Variants in HEMK2 observed in about 807,000 individuals in gnomAD.
The protein encoded by HEMK2 is methyltransferase HEMK2.
At chr21:28,628,391 T>C in the HEMK2 span, among the ~76,000 whole-genome samples, 157 of 152,334 alleles carry the variant, frequency 1.0e-3, no homozygotes, top group African/African-American at 3.6e-3. Context: ...TTATTATAAA[T>C]AAGGCCAACT....
chr21:28,729,701 T>C, the HEMK2 span, among the ~76,000 whole-genome samples: 84,674 of 151,376 alleles, frequency 0.56, 26,838 homozygotes, highest in African/African-American at 0.86. Flanking sequence ...TTGTTTTGTG[T>C]TGCATTAAAA....
chr21:28,808,567 T>C, the HEMK2 span, among the ~76,000 whole-genome samples: 2 of 152,118 alleles, frequency 1.3e-5, no homozygotes, highest in African/African-American at 4.8e-5. Context: ...TCCCTTGGCA[T>C]TGCTTTGTGG....
At chr21:28,628,167 T>C in the HEMK2 span, among the ~76,000 whole-genome samples, 11 of 151,760 alleles carry the variant, frequency 7.2e-5, no homozygotes, top group South Asian at 2.1e-4. Flanking sequence ...CTAGTAACAA[T>C]AGCATATGTA....
At chr21:28,589,743 A>G in the HEMK2 span, among the ~76,000 whole-genome samples, 3 of 152,184 alleles carry the variant, frequency 2.0e-5, no homozygotes, top group Admixed American at 6.6e-5. Context: ...ATACATATAG[A>G]AATATTTTTA....
At chr21:28,628,584 C>A in the HEMK2 span, among the ~76,000 whole-genome samples, 1 of 152,150 alleles carries the variant, frequency 6.6e-6, no homozygotes, top group African/African-American at 2.4e-5. Flanking sequence ...CCCAAGCTAG[C>A]TGGAATTACA....
the HEMK2 span, among the ~76,000 whole-genome samples, chr21:28,593,930 G>A: frequency 2.0e-5 from 3 of 152,154 alleles, no homozygotes; most frequent in East Asian, 5.8e-4. Context: ...GTTTGGAAAA[G>A]AGCTGGGGTA....
the HEMK2 span, among the ~76,000 whole-genome samples, chr21:28,795,397 C>CA: frequency 3.4e-4 from 51 of 149,894 alleles, no homozygotes; most frequent in Admixed American, 1.7e-3. Flanking sequence ...ATAAGGACCT[C>CA]AAAAAAAAAA....
At chr21:28,877,983 T>C in the HEMK2 span, among the ~76,000 whole-genome samples, 1 of 152,158 alleles carries the variant, frequency 6.6e-6, no homozygotes, top group African/African-American at 2.4e-5. Context: ...AAAGAGAAGA[T>C]AATACTTTTT....
At chr21:28,589,647 G>A in the HEMK2 span, among the ~76,000 whole-genome samples, 1 of 152,014 alleles carries the variant, frequency 6.6e-6, no homozygotes, top group Non-Finnish European at 1.5e-5. Flanking sequence ...AAACAAAAGA[G>A]GAAAACTAGA....
the HEMK2 span, among the ~76,000 whole-genome samples, chr21:28,765,292 A>G: frequency 6.6e-6 from 1 of 152,088 alleles, no homozygotes; most frequent in Non-Finnish European, 1.5e-5. Context: ...ATTTAACATT[A>G]TGGTTTCAGC....
the HEMK2 span, among the ~76,000 whole-genome samples, chr21:28,693,346 A>G: frequency 6.6e-6 from 1 of 152,204 alleles, no homozygotes; most frequent in East Asian, 1.9e-4. Flanking sequence ...CCCAAGTTTT[A>G]GCAAGCATGA....
chr21:28,613,774 G>A, the HEMK2 span, among the ~76,000 whole-genome samples: 1 of 150,930 alleles, frequency 6.6e-6, no homozygotes, highest in Admixed American at 6.6e-5. Context: ...GACCTTAAGT[G>A]TTTTAAAAGA....
the HEMK2 span, among the ~76,000 whole-genome samples, chr21:28,786,771 T>C: frequency 2.9e-4 from 44 of 152,284 alleles, no homozygotes; most frequent in Admixed American, 2.9e-3. Flanking sequence ...AAAATCTATT[T>C]TCAAAACTTT....
chr21:28,604,275 T>TG, the HEMK2 span, among the ~76,000 whole-genome samples: 4 of 152,056 alleles, frequency 2.6e-5, no homozygotes, highest in Non-Finnish European at 5.9e-5. Context: ...AGTGAGGGGC[T>TG]GGGGGAGGGA....
the HEMK2 span, among the ~76,000 whole-genome samples, chr21:28,639,312 A>C: frequency 2.0e-5 from 3 of 152,344 alleles, no homozygotes; most frequent in Non-Finnish European, 4.4e-5. Flanking sequence ...ACCAATGGCC[A>C]ATCCTTATGC....
At chr21:28,680,415 T>G in the HEMK2 span, among the ~76,000 whole-genome samples, 1 of 152,126 alleles carries the variant, frequency 6.6e-6, no homozygotes, top group Admixed American at 6.5e-5. Context: ...ATTAATAGTT[T>G]ACCAACCAAA....
the HEMK2 span, among the ~76,000 whole-genome samples, chr21:28,780,760 G>A: frequency 1.3e-5 from 2 of 152,224 alleles, no homozygotes; most frequent in South Asian, 4.1e-4. Flanking sequence ...CGTCATGGGA[G>A]ACTTAAGAAT....
the HEMK2 span, among the ~76,000 whole-genome samples, chr21:28,770,323 A>G: frequency 0.01 from 1,535 of 152,152 alleles, 26 homozygotes; most frequent in African/African-American, 0.035. Flanking sequence ...ATGGCCACCT[A>G]GTGTAATCAA....
At chr21:28,712,937 A>G in the HEMK2 span, among the ~76,000 whole-genome samples, 5 of 152,240 alleles carry the variant, frequency 3.3e-5, no homozygotes, top group Non-Finnish European at 7.3e-5. Flanking sequence ...CCATAGATAC[A>G]TACATACGAA....
Sources: gnomAD v4.1 joint callset for allele counts (sites outside exome capture counted in the v4.1 genomes callset) on GRCh38, gnomAD v4.1.1 for gene constraint, MANE v1.5 for transcripts, NCBI Gene and HGNC (gene_info 2026-07-23, HGNC 2026-07-21) for gene names.